Variants in DYM observed in about 807,000 individuals in gnomAD.
The protein encoded by DYM is dyggve-Melchior-Clausen syndrome protein.
A neutral mutation model predicts 93.1 loss-of-function variants in DYM; 78 were observed. The ratio of observed to expected loss-of-function variants is 0.84; its 90% CI spans 0.70 to 1.01. DYM has a LOEUF of 1.01. Among genes scored for constraint, DYM ranks in the 50% least tolerant of loss-of-function variants. DYM has a pLI of 0.00. For missense variants in DYM, 789 were observed against 845.0 expected (o/e 0.93, Z 0.82); for synonymous variants, 321 against 319.7 (o/e 1.00, Z -0.04).
rs184543155 is a variant in DYM at position 49,274,604 on chromosome 18, C to G, written c.1126-2301G>C. Among the ~76,000 whole-genome samples the G allele has an allele frequency of 3.3e-4, 50 of 152,284 alleles. 1 individual carries two copies. Among genetic ancestry groups the G allele is most frequent in the African/African-American group, 1.2e-3 (49 of 41,568 alleles). ...TTGCATCATATTACATTTCCACCAA[C>G]AGTGTATGAGAGATTAGATTTCTCC... On this transcript the variant is annotated intron_variant, in intron 10 of 17. Coordinates refer to ENST00000675505, the MANE Select transcript of DYM (RefSeq NM_001353214.3).
intron 8 of DYM, among the ~76,000 whole-genome samples, chr18:49,325,928 A>C (rs1334538297): frequency 6.6e-6 from 1 of 152,212 alleles, no homozygotes; most frequent in Non-Finnish European, 1.5e-5. Flanking sequence ...TCGAAACAAC[A>C]CATTTCCTCA....
In DYM at chr18:49,460,437, A is replaced by C. The variant is rs1410892932; in HGVS notation, c.-93T>G. Reference sequence around the variant, plus strand: ...TGGGGGATCTGCTCCAGCTCCACGGACCCGCGGACGGATGGGAGGGTGGCA... The same window carrying C: ...TGGGGGATCTGCTCCAGCTCCACGGCCCCGCGGACGGATGGGAGGGTGGCA... On this transcript the variant is annotated 5_prime_UTR_variant, in exon 1 of 18. Transcript: ENST00000675505. 1 of 152,066 alleles carries C rather than the reference A, an allele frequency of 6.6e-6. No individual in the cohort carries two copies. Among genetic ancestry groups the C allele is most frequent in the Admixed American group, 6.5e-5 (1 of 15,278 alleles). The allele number at this position is 152,066 out of a possible 1,614,324, so 9.4% of individuals were successfully genotyped here.
chr18:49,349,342 T>A (rs972162470), intron 6 of DYM, among the ~76,000 whole-genome samples: 1 of 151,886 alleles, frequency 6.6e-6, no homozygotes, highest in Non-Finnish European at 1.5e-5. Context: ...TGAAATAAAT[T>A]AAAGTTCAAC....
At chr18:49,370,978 A>T (rs1310419232) in intron 5 of DYM, among the ~76,000 whole-genome samples, 1 of 152,214 alleles carries the variant, frequency 6.6e-6, no homozygotes, top group Non-Finnish European at 1.5e-5. Flanking sequence ...TCCAGAGTAA[A>T]ACACTGAGAA....
chr18:49,197,232 T>A (rs756504399), intron 14 of DYM, among the ~76,000 whole-genome samples: 10 of 152,108 alleles, frequency 6.6e-5, no homozygotes, highest in Non-Finnish European at 1.3e-4. Context: ...GGCATGTGGA[T>A]GTCATGTAAA....
At chr18:49,158,878 T>C (rs186868672) in intron 15 of DYM, among the ~76,000 whole-genome samples, 18 of 152,322 alleles carry the variant, frequency 1.2e-4, no homozygotes, top group African/African-American at 4.3e-4. Context: ...TAATTTATTG[T>C]ACATTTTGAA....
intron 15 of DYM, among the ~76,000 whole-genome samples, chr18:49,142,592 A>G (rs919174210): frequency 1.3e-5 from 2 of 152,228 alleles, no homozygotes; most frequent in Non-Finnish European, 2.9e-5. Flanking sequence ...AAAAATTTCC[A>G]GAGTCTGTTT....
At chr18:49,194,839 T>C (rs1039301169) in intron 14 of DYM, among the ~76,000 whole-genome samples, 4 of 152,252 alleles carry the variant, frequency 2.6e-5, no homozygotes, top group East Asian at 3.8e-4. Flanking sequence ...GTATTTTTAA[T>C]ATACACAAAT....
intron 8 of DYM, among the ~76,000 whole-genome samples, chr18:49,300,727 G>A (rs999452129): frequency 2.0e-5 from 3 of 152,080 alleles, no homozygotes; most frequent in African/African-American, 7.2e-5. Flanking sequence ...ATGTAATAAA[G>A]TACATTGTAT....
rs575584870 is a variant in DYM, at chr18:49,287,472, A to G, written c.764-856T>C. Among the ~76,000 whole-genome samples, 8 of 152,022 alleles carry G rather than the reference A, an allele frequency of 5.3e-5. No individual in the cohort carries two copies. The South Asian group carries it at 8.3e-4, about 16-fold the overall frequency. On this transcript the variant is annotated intron_variant, in intron 8 of 17. Transcript: ENST00000675505. ...GTAAGTATTCCCATTAATATCATCA[A>G]CATCAGCATGGTACTACTAATGCCC...
chr18:49,254,651 C>T (rs936695454), intron 13 of DYM, among the ~76,000 whole-genome samples: 3 of 152,142 alleles, frequency 2.0e-5, no homozygotes, highest in Non-Finnish European at 2.9e-5. Flanking sequence ...AAATTGTTTG[C>T]ATCTCAAAAA....
rs142252072 is a variant in DYM at position 49,071,718 on chromosome 18, C to T, written c.2025+25684G>A. On this transcript the variant is annotated intron_variant, in intron 17 of 17. Transcript: ENST00000675505. The stretch of plus-strand genomic sequence containing the variant: ...TTAGAAGTCAAATGTGAAGCCGCTC[C>T]AAAGGGGGAAAAAAGAGTAAAAGGA... 5.3e-5 allele frequency among the ~76,000 whole-genome samples: 8 copies of T among 152,182 alleles called. No individual in the cohort carries two copies. The East Asian group carries it at 1.5e-3, about 29-fold the overall frequency.
chr18:49,344,280 T>C (rs927963149), intron 6 of DYM, among the ~76,000 whole-genome samples: 1 of 152,138 alleles, frequency 6.6e-6, no homozygotes, highest in African/African-American at 2.4e-5. Context: ...GCTTCCTCGT[T>C]ACCACGTTCC....
intron 8 of DYM, chr18:49,329,825 G>A (rs1346369649): frequency 2.0e-5 from 3 of 152,204 alleles, no homozygotes; most frequent in Non-Finnish European, 2.9e-5. Context: ...ATCCAAATGA[G>A]TTTATAATTT....
At chr18:49,389,970 T>C (rs182756498) in intron 3 of DYM, among the ~76,000 whole-genome samples, 1 of 152,332 alleles carries the variant, frequency 6.6e-6, no homozygotes, top group African/African-American at 2.4e-5. Flanking sequence ...TACACTAATA[T>C]TGTTACATAA....
At chr18:49,423,952 G>A (rs181918998) in intron 2 of DYM, among the ~76,000 whole-genome samples, 1,659 of 152,192 alleles carry the variant, frequency 0.011, 30 homozygotes, top group African/African-American at 0.038. Context: ...ATTCACAGCC[G>A]AATTCTACCA....
intron 8 of DYM, among the ~76,000 whole-genome samples, chr18:49,299,557 C>T (rs1172978885): frequency 2.6e-5 from 4 of 152,160 alleles, no homozygotes; most frequent in Non-Finnish European, 2.9e-5. Context: ...TACTAAACAA[C>T]CCTGACATGC....
intron 17 of DYM, among the ~76,000 whole-genome samples, chr18:49,047,951 T>C (rs1051259067): frequency 1.3e-5 from 2 of 152,026 alleles, no homozygotes; most frequent in African/African-American, 2.4e-5. Context: ...GCCAACCCCA[T>C]GAAGAGAAGG....
intron 14 of DYM, among the ~76,000 whole-genome samples, chr18:49,197,818 A>C (rs1010589358): frequency 2.6e-5 from 4 of 152,146 alleles, no homozygotes; most frequent in African/African-American, 9.7e-5. Flanking sequence ...AGGTAATTTA[A>C]AGATTCAATG....
Sources: allele counts gnomAD v4.1 joint callset (sites outside exome capture counted in the v4.1 genomes callset), GRCh38; gene constraint gnomAD v4.1.1; transcripts MANE v1.5; gene names NCBI Gene and HGNC (gene_info 2026-07-23, HGNC 2026-07-21).